ASB7: variants seen among roughly 807,000 people sequenced by gnomAD.
ASB7 encodes ankyrin repeat and SOCS box protein 7.
Under a neutral mutation model 32.5 loss-of-function variants are expected in ASB7, and 4 were observed. The ratio of observed to expected loss-of-function variants is 0.12; its 90% confidence interval spans 0.06 to 0.28. The LOEUF is 0.28. Among genes scored for constraint, ASB7 ranks in the 10% least tolerant of loss-of-function variants. The probability of loss-of-function intolerance (pLI) is 1.00; values close to 1 mark genes in which losing one functional copy is unlikely to be tolerated. For synonymous variants in ASB7, 172 were observed against 155.6 expected (o/e 1.11, Z -0.78); for missense variants, 181 against 407.1 (o/e 0.44, Z 4.78).
chr15:100,642,493 CTT>C (rs970991143), intron 5 of ASB7, among the ~76,000 whole-genome samples: 3 of 152,172 alleles, frequency 2.0e-5, no homozygotes, highest in African/African-American at 7.2e-5. Context: ...AGTCAAAAAA[CTT>C]TTTCATACAG....
At position 100,629,828 on chromosome 15, in the gene ASB7, G is replaced by A; in HGVS notation, c.603G>A (p.Gln201=). 4 of 1,614,246 alleles carry A rather than the reference G, an allele frequency of 2.5e-6. No individual in the cohort carries two copies. The highest frequency in any genetic ancestry group is 1.6e-4 in the Middle Eastern group (1 of 6,062). ...SNHSYCRMFL[Q]RGADTNLGRL... The stretch of plus-strand genomic sequence containing the variant: ...ACTCTTATTGCCGAATGTTCCTTCA[G>A]AGAGGGGCAGACACAAACTTGGGTC... The change falls in exon 5 of 6, where the codon CAG becomes CAA. Residue 201 remains glutamine, a synonymous_variant. Transcript: ENST00000332783. The surrounding 1 kb of genome is among the most constrained non-coding windows in gnomAD (Gnocchi z 6.8).
intron 3 of ASB7, 114 bp from the exon 4 acceptor site, chr15:100,612,052 G>A (rs2141388914): frequency 1.5e-6 from 1 of 664,314 alleles, no homozygotes. Context: ...AGTATGCACT[G>A]TCATTAGTAA....
chr15:100,626,315 A>C (rs970222368), intron 4 of ASB7, among the ~76,000 whole-genome samples: 1 of 152,208 alleles, frequency 6.6e-6, no homozygotes, highest in African/African-American at 2.4e-5. Flanking sequence ...AAATGGATAA[A>C]GGAGGTGAAC....
At chr15:100,610,107 A>G (rs1405660553) in intron 3 of ASB7, among the ~76,000 whole-genome samples, 2 of 152,226 alleles carry the variant, frequency 1.3e-5, no homozygotes, top group African/African-American at 4.8e-5. Flanking sequence ...TTTCTCTCAT[A>G]ACAGAATAAG....
At chr15:100,619,359 A>C (rs2039771769) in intron 4 of ASB7, among the ~76,000 whole-genome samples, 1 of 152,236 alleles carries the variant, frequency 6.6e-6, no homozygotes, top group Non-Finnish European at 1.5e-5. Context: ...AACCTTTGAC[A>C]GAGGAATGGG....
At chr15:100,611,289 G>A (rs1313881442) in intron 3 of ASB7, among the ~76,000 whole-genome samples, 1 of 152,062 alleles carries the variant, frequency 6.6e-6, no homozygotes, top group Non-Finnish European at 1.5e-5. Flanking sequence ...CTGGGCTCAA[G>A]TGGTCCCTTT....
Position 100,648,387 on chromosome 15 carries a change from C to G in ASB7, c.882C>G (p.Asn294Lys). 1 of 1,610,650 alleles carries G rather than the reference C, an allele frequency of 6.2e-7. No homozygotes were observed. Among genetic ancestry groups the G allele is most frequent in the Non-Finnish European group, 8.5e-7 (1 of 1,177,152 alleles). The change falls in exon 6 of 6, where the codon AAC becomes AAG. Residue 294 changes from asparagine to lysine, a missense_variant. By Grantham distance (94) the Asn-to-Lys change is moderately conservative (BLOSUM62 0). Coordinates refer to ENST00000332783, the MANE Select transcript of ASB7 (RefSeq NM_198243.3). ...TTCGACAATGTATAGGCCTTCAAAA[C>G]CTAAAGCTACTTGATGAACTACCAA... The part of the protein sequence containing the change: ...IKIRQCIGLQ[N>K]LKLLDELPIA...
At chr15:100,632,393 GT>G (rs2039890835) in intron 5 of ASB7, among the ~76,000 whole-genome samples, 1 of 152,218 alleles carries the variant, frequency 6.6e-6, no homozygotes, top group South Asian at 2.1e-4. Flanking sequence ...CTCCAGTGGT[GT>G]TTCCTGCCAA....
In ASB7 at chr15:100,647,176, C is replaced by A. The variant is rs182577057; in HGVS notation, c.818-1147C>A. Among the ~76,000 whole-genome samples, 669 of 152,058 alleles carry A rather than the reference C, an allele frequency of 4.4e-3. 6 individuals are homozygous for A. The highest frequency in any genetic ancestry group is 6.8e-3 in the Middle Eastern group (2 of 294). ...ATATGGCATTTACTATAGAGATAGC[C>A]CACATAAAAGTTTCTGGGGGTTCGC... On this transcript the variant is annotated intron_variant, in intron 5 of 5. Transcript: ENST00000332783.
chr15:100,602,837 T>C lies in ASB7; in HGVS notation c.-482T>C. The stretch of plus-strand genomic sequence containing the variant: ...AGCCAGGACTTCCTCCCTGCCTCCC[T>C]GCACCTCTGCCCCAAGGCTGCCCGG... On this transcript the variant is annotated 5_prime_UTR_variant, in exon 1 of 6. Transcript: ENST00000332783. The C allele has an allele frequency of 2.6e-6, 1 of 390,126 alleles. No individual in the cohort carries two copies. Among genetic ancestry groups the C allele is most frequent in the Non-Finnish European group, 4.5e-6 (1 of 221,116 alleles). The allele number at this position is 390,126 out of a possible 1,614,324, so 24.2% of individuals were successfully genotyped here. A position where few individuals can be genotyped will look rare whatever the true frequency, so the allele number is the denominator to read the frequency against.
chr15:100,644,564 G>T (rs1038550632), intron 5 of ASB7, among the ~76,000 whole-genome samples: 1 of 152,196 alleles, frequency 6.6e-6, no homozygotes. Context: ...GCCGAGTACC[G>T]TGTCAGCAGT....
At chr15:100,645,817 A>G (rs575441265) in intron 5 of ASB7, 2 of 1,362,730 alleles carry the variant, frequency 1.5e-6, no homozygotes, top group Middle Eastern at 2.4e-4. Context: ...AAGATTGCCA[A>G]ACGCGACATC....
chr15:100,612,975 T>C (rs1194061065), intron 4 of ASB7, among the ~76,000 whole-genome samples: 2 of 152,242 alleles, frequency 1.3e-5, no homozygotes, highest in Non-Finnish European at 2.9e-5. Flanking sequence ...TTTGTATAAA[T>C]ATGTGCAATT....
rs2039581339 is a variant in ASB7 at position 100,603,237 on chromosome 15, G to A, written c.-250G>A. 3 of 372,870 alleles carry A rather than the reference G, an allele frequency of 8.0e-6. No homozygotes were observed. The highest frequency in any genetic ancestry group is 1.4e-5 in the Non-Finnish European group (3 of 210,948). The allele number at this position is 372,870 out of a possible 1,614,324, so 23.1% of individuals were successfully genotyped here. A position where few individuals can be genotyped will look rare whatever the true frequency, so the allele number is the denominator to read the frequency against. ...TAGGTTTGAGCTGGCTGAAGAAGACGCGAAAGCAGGAAGAGGTCTGCCCAC... is the reference window on the plus strand; with the variant it reads ...TAGGTTTGAGCTGGCTGAAGAAGACACGAAAGCAGGAAGAGGTCTGCCCAC... On this transcript the variant is annotated 5_prime_UTR_variant, in exon 2 of 6. Transcript: ENST00000332783.
At chr15:100,618,405 G>A (rs906090315) in intron 4 of ASB7, among the ~76,000 whole-genome samples, 3 of 152,008 alleles carry the variant, frequency 2.0e-5, no homozygotes, top group Middle Eastern at 3.2e-3. Context: ...ATGAGCCACC[G>A]CGTCCAGTCT....
chr15:100,613,802 T>A (rs1380934457), intron 4 of ASB7, among the ~76,000 whole-genome samples: 3 of 152,256 alleles, frequency 2.0e-5, no homozygotes, highest in Admixed American at 6.5e-5. Context: ...ACATGAATAT[T>A]GTCTCTTTCA....
intron 5 of ASB7, chr15:100,646,016 G>T: frequency 2.2e-6 from 1 of 454,732 alleles, no homozygotes; most frequent in East Asian, 5.3e-5. Context: ...TCTTCTGTAG[G>T]GACAGTAGAC....
intron 1 of ASB7, 47 bp downstream of exon 1, chr15:100,603,093 G>A (rs2039574440): frequency 2.5e-6 from 1 of 398,936 alleles, no homozygotes; most frequent in African/African-American, 2.1e-5. Flanking sequence ...GGCTGGGAGG[G>A]TAGGAGGGAG....
intron 4 of ASB7, among the ~76,000 whole-genome samples, chr15:100,628,315 T>C (rs1177648067): frequency 1.3e-5 from 2 of 152,256 alleles, no homozygotes; most frequent in African/African-American, 4.8e-5. Context: ...CCATTTGTCA[T>C]AATATGTTCT....
Sources: allele counts gnomAD v4.1 joint callset (sites outside exome capture counted in the v4.1 genomes callset), GRCh38; gene constraint gnomAD v4.1.1; non-coding constraint Gnocchi (gnomAD v3.1); transcripts MANE v1.5; gene names NCBI Gene and HGNC (gene_info 2026-07-23, HGNC 2026-07-21).